NEK11: variants seen among roughly 807,000 people sequenced by gnomAD.
NEK11 encodes serine/threonine-protein kinase Nek11.
A neutral mutation model predicts 80.7 loss-of-function variants in NEK11; 72 were observed. That is an observed-to-expected ratio of 0.89 (90% CI 0.74 to 1.08). The LOEUF is 1.08. Among genes scored for constraint, NEK11 ranks in the 50% least tolerant of loss-of-function variants. The probability of loss-of-function intolerance (pLI) is 0.00; values close to 1 mark genes in which losing one functional copy is unlikely to be tolerated. For missense variants in NEK11, 764 were observed against 763.6 expected (o/e 1.00, Z -0.01); for synonymous variants, 251 against 260.7 (o/e 0.96, Z 0.36).
At chr3:131,269,832 C>G (rs2096143882) in intron 16 of NEK11, among the ~76,000 whole-genome samples, 1 of 152,210 alleles carries the variant, frequency 6.6e-6, no homozygotes, top group Admixed American at 6.5e-5. Context: ...GCCCTAGGTT[C>G]AGGAAGGAGC....
At chr3:131,087,726 A>C (rs1165704934) in intron 4 of NEK11, among the ~76,000 whole-genome samples, 3 of 152,162 alleles carry the variant, frequency 2.0e-5, no homozygotes, top group African/African-American at 7.2e-5. Context: ...GTGTCAATAG[A>C]CTATTAGAAG....
At chr3:131,146,885 A>G (rs1187986424) in intron 7 of NEK11, among the ~76,000 whole-genome samples, 2 of 151,592 alleles carry the variant, frequency 1.3e-5, no homozygotes, top group Admixed American at 6.6e-5. Context: ...GGATTCTCTC[A>G]TTTTTCTTAT....
chr3:131,288,741 C>A (rs1040357443), intron 17 of NEK11, among the ~76,000 whole-genome samples: 1 of 151,932 alleles, frequency 6.6e-6, no homozygotes, highest in African/African-American at 2.4e-5. Flanking sequence ...CATGAGCCAC[C>A]GCGCCCCGCC....
chr3:131,323,544 G>C (rs1437153479), intron 17 of NEK11, among the ~76,000 whole-genome samples: 1 of 152,088 alleles, frequency 6.6e-6, no homozygotes, highest in African/African-American at 2.4e-5. Flanking sequence ...TTTCCGGCCA[G>C]TGTTCTATAA....
intron 3 of NEK11, among the ~76,000 whole-genome samples, chr3:131,045,606 G>C (rs1037185737): frequency 2.6e-5 from 4 of 152,128 alleles, no homozygotes; most frequent in African/African-American, 9.7e-5. Flanking sequence ...TACACGTGCT[G>C]ATGCATAGAA....
chr3:131,348,674 T>C (rs1295661378), intron 17 of NEK11, among the ~76,000 whole-genome samples: 2 of 150,968 alleles, frequency 1.3e-5, no homozygotes, highest in African/African-American at 2.4e-5. Flanking sequence ...GAAATAAACA[T>C]ACTAGATATG....
At chr3:131,331,368 G>T (rs1341170763) in intron 17 of NEK11, among the ~76,000 whole-genome samples, 1 of 152,138 alleles carries the variant, frequency 6.6e-6, no homozygotes, top group African/African-American at 2.4e-5. Flanking sequence ...AAATTTGGGG[G>T]CTTGAGTAAT....
At chr3:131,198,710 T>C (rs903552043) in intron 14 of NEK11, among the ~76,000 whole-genome samples, 1 of 152,178 alleles carries the variant, frequency 6.6e-6, no homozygotes, top group African/African-American at 2.4e-5. Context: ...GCTATTCCTG[T>C]TTTTTCTGTG....
At chr3:131,257,457 A>G (rs545273450) in intron 16 of NEK11, among the ~76,000 whole-genome samples, 2 of 152,288 alleles carry the variant, frequency 1.3e-5, no homozygotes, top group Admixed American at 6.5e-5. Context: ...AAGGCCAAAA[A>G]TAACAAATAT....
intron 7 of NEK11, among the ~76,000 whole-genome samples, chr3:131,149,849 T>C (rs540188992): frequency 1.3e-5 from 2 of 152,166 alleles, no homozygotes; most frequent in Admixed American, 1.3e-4. Context: ...CATTAATTTC[T>C]TCTCTTTTAA....
intron 3 of NEK11, among the ~76,000 whole-genome samples, chr3:131,054,846 T>C (rs2069144631): frequency 6.6e-6 from 1 of 151,016 alleles, no homozygotes; most frequent in Non-Finnish European, 1.5e-5. Flanking sequence ...AAGGGAGGGG[T>C]TTTATCATTT....
chr3:131,125,783 A>G (rs2083233373), intron 5 of NEK11, among the ~76,000 whole-genome samples: 1 of 152,222 alleles, frequency 6.6e-6, no homozygotes, highest in East Asian at 1.9e-4. Flanking sequence ...AAAAACCAAC[A>G]TGCATTTATT....
intron 4 of NEK11, among the ~76,000 whole-genome samples, chr3:131,090,956 A>G (rs1251369458): frequency 6.6e-6 from 1 of 152,078 alleles, no homozygotes; most frequent in African/African-American, 2.4e-5. Flanking sequence ...TAGAGATGGG[A>G]TCTTGCTATG....
intron 3 of NEK11, among the ~76,000 whole-genome samples, chr3:131,059,347 G>A (rs1348050966): frequency 6.6e-6 from 1 of 152,104 alleles, no homozygotes; most frequent in African/African-American, 2.4e-5. Context: ...TCTCAATAAA[G>A]TTGTTATAAA....
chr3:131,230,906 T>C (rs763937907), intron 15 of NEK11, among the ~76,000 whole-genome samples: 2 of 152,156 alleles, frequency 1.3e-5, no homozygotes, highest in Non-Finnish European at 2.9e-5. Context: ...CTCATGGTAG[T>C]GAATAAGTCT....
intron 16 of NEK11, among the ~76,000 whole-genome samples, chr3:131,270,469 C>T (rs752832562): frequency 2.6e-5 from 4 of 152,182 alleles, no homozygotes; most frequent in Admixed American, 2.0e-4. Context: ...AAGCAGTGGT[C>T]TAAAACACAC....
At chr3:131,278,845 T>C (rs1471450256) in intron 17 of NEK11, among the ~76,000 whole-genome samples, 2 of 152,112 alleles carry the variant, frequency 1.3e-5, no homozygotes, top group East Asian at 1.9e-4. Flanking sequence ...GTGTGGTCCC[T>C]GACCTGCACC....
intron 14 of NEK11, among the ~76,000 whole-genome samples, chr3:131,202,822 G>T (rs2094293366): frequency 1.3e-5 from 2 of 152,156 alleles, no homozygotes; most frequent in African/African-American, 4.8e-5. Context: ...ACAGACACAT[G>T]AAAAAATGTT....
chr3:131,075,781 G>A (rs1011650407), intron 3 of NEK11, among the ~76,000 whole-genome samples: 2 of 152,160 alleles, frequency 1.3e-5, no homozygotes, highest in African/African-American at 4.8e-5. Flanking sequence ...CTTCTGTGAT[G>A]CATAATTGCA....
Sources: allele counts gnomAD v4.1 joint callset (sites outside exome capture counted in the v4.1 genomes callset), GRCh38; gene constraint gnomAD v4.1.1; transcripts MANE v1.5; gene names NCBI Gene and HGNC (gene_info 2026-07-23, HGNC 2026-07-21).